Variants in NKAIN3 observed in about 807,000 individuals in gnomAD.
NKAIN3 encodes the protein sodium/potassium-transporting ATPase subunit beta-1-interacting protein 3.
A neutral mutation model predicts 30.2 loss-of-function variants in NKAIN3; 25 were observed. The observed-to-expected ratio is 0.83, with a 90% CI of 0.60 to 1.16. NKAIN3 has a LOEUF of 1.16. Ranked by LOEUF, NKAIN3 falls within the 50% of genes most tolerant of loss-of-function variation. The probability of loss-of-function intolerance (pLI) is 0.00; values close to 1 mark genes in which losing one functional copy is unlikely to be tolerated. For missense variants in NKAIN3, 225 were observed against 254.1 expected, an observed-to-expected ratio of 0.89 and a Z score of 0.78; for synonymous variants, 91 against 89.6, an observed-to-expected ratio of 1.02 and a Z score of -0.09.
chr8:62,278,882 G>C (rs889233260), intron 1 of NKAIN3, among the ~76,000 whole-genome samples: 2 of 152,096 alleles, frequency 1.3e-5, no homozygotes, highest in African/African-American at 4.8e-5. Context: ...ATAATCCTTT[G>C]GGTATATGCC....
At chr8:62,860,312 A>G (rs1191020306) in intron 4 of NKAIN3, among the ~76,000 whole-genome samples, 2 of 152,218 alleles carry the variant, frequency 1.3e-5, no homozygotes, top group African/African-American at 4.8e-5. Flanking sequence ...TCATTTTCCT[A>G]CTTGTGACAC....
intron 4 of NKAIN3, among the ~76,000 whole-genome samples, chr8:62,772,350 T>G (rs1227424228): frequency 1.3e-5 from 2 of 152,218 alleles, no homozygotes; most frequent in African/African-American, 2.4e-5. Flanking sequence ...GCTGTTGTGA[T>G]TAGAGCTACA....
chr8:62,480,532 TAA>T (rs59515372), intron 1 of NKAIN3, among the ~76,000 whole-genome samples: 90,774 of 137,200 alleles, frequency 0.66, 30,343 homozygotes, highest in Non-Finnish European at 0.74. Context: ...ATGTTTGGAT[TAA>T]AAAAAAAAAA....
At position 62,321,695 on chromosome 8, in the gene NKAIN3, G is replaced by C. The variant is rs535652404; in HGVS notation, c.54+72568G>C. ...GCCTGATTGTTCCTCTGTAAGTTTT[G>C]TCTCAGAGGAGTACCTGGCTGTGTG... On this transcript the variant is annotated intron_variant, in intron 1 of 6. Coordinates refer to ENST00000623646, the MANE Select transcript of NKAIN3 (RefSeq NM_001304533.3). Among the ~76,000 whole-genome samples, 15 of 146,418 alleles carry C rather than the reference G, an allele frequency of 1.0e-4. No individual in the cohort carries two copies. The South Asian group carries it at 3.1e-3, about 30-fold the overall frequency.
chr8:62,455,549 C>T (rs962684126), intron 1 of NKAIN3, among the ~76,000 whole-genome samples: 1 of 152,132 alleles, frequency 6.6e-6, no homozygotes, highest in Non-Finnish European at 1.5e-5. Flanking sequence ...AGGGCATGGG[C>T]TGAAATGCTA....
At chr8:62,341,950 A>C (rs1169568908) in intron 1 of NKAIN3, among the ~76,000 whole-genome samples, 1 of 151,996 alleles carries the variant, frequency 6.6e-6, no homozygotes, top group African/African-American at 2.4e-5. Context: ...ATTGCAAGCC[A>C]CCCCACAAAT....
intron 1 of NKAIN3, among the ~76,000 whole-genome samples, chr8:62,468,927 A>G (rs369553150): frequency 1.3e-5 from 2 of 152,158 alleles, no homozygotes; most frequent in East Asian, 3.9e-4. Flanking sequence ...CACCTAGTAG[A>G]CATCTACTAG....
At chr8:62,657,007 C>T (rs144736378) in intron 3 of NKAIN3, among the ~76,000 whole-genome samples, 58 of 152,234 alleles carry the variant, frequency 3.8e-4, no homozygotes, top group Non-Finnish European at 5.9e-5. Context: ...ACATTAGAAA[C>T]GTCAATTTCC....
intron 3 of NKAIN3, among the ~76,000 whole-genome samples, chr8:62,704,286 G>T (rs1429075594): frequency 6.6e-6 from 1 of 151,944 alleles, no homozygotes; most frequent in East Asian, 1.9e-4. Context: ...ATACCTAAAA[G>T]ATCATTTTTT....
rs112945133 is a variant in NKAIN3, at chr8:62,728,788, C to A, written c.274-18144C>A. ...GTCGGATCACGAGGTCAGGAGATAG[C>A]GACCAGCCTGGCTAACACGGCAAAA... On this transcript the variant is annotated intron_variant, in intron 3 of 6. Coordinates refer to ENST00000623646, the MANE Select transcript of NKAIN3 (RefSeq NM_001304533.3). 3.7e-4 allele frequency among the ~76,000 whole-genome samples: 56 copies of A among 151,758 alleles called. 1 individual carries two copies. In the East Asian group the frequency reaches 7.2e-3, roughly 19 times the overall value.
chr8:62,733,195 T>C (rs1815536423), intron 3 of NKAIN3, among the ~76,000 whole-genome samples: 1 of 152,174 alleles, frequency 6.6e-6, no homozygotes, highest in South Asian at 2.1e-4. Context: ...CTCACCTTCC[T>C]TCCATCTTGC....
intron 4 of NKAIN3, among the ~76,000 whole-genome samples, chr8:62,808,769 G>A (rs1450036994): frequency 6.6e-6 from 1 of 152,040 alleles, no homozygotes; most frequent in East Asian, 1.9e-4. Context: ...ACAAGACCAG[G>A]GTGAAATTAA....
chr8:62,901,665 G>A (rs548112436), intron 4 of NKAIN3, among the ~76,000 whole-genome samples: 1 of 152,272 alleles, frequency 6.6e-6, no homozygotes, highest in South Asian at 2.1e-4. Context: ...CGTACGTCCC[G>A]CAAGTTAGGA....
Position 62,293,081 on chromosome 8 carries a change from C to A in NKAIN3, c.54+43954C>A, listed in dbSNP as rs377526517. Among the ~76,000 whole-genome samples, 336 of 152,286 alleles carry A rather than the reference C, an allele frequency of 2.2e-3. 1 individual carries two copies. Among genetic ancestry groups the A allele is most frequent in the East Asian group, 5.8e-3 (30 of 5,182 alleles). On this transcript the variant is annotated intron_variant, in intron 1 of 6. Transcript: ENST00000623646. ...CTGATGCCATGGTTTTCAGCTCCAT[C>A]AGGTCATTTAAGGACTTCTCTACAC...
intron 1 of NKAIN3, among the ~76,000 whole-genome samples, chr8:62,551,301 A>T (rs897660268): frequency 1.3e-5 from 2 of 152,100 alleles, no homozygotes; most frequent in African/African-American, 4.8e-5. Context: ...CTTAGGATCT[A>T]CTTCTGTAAT....
intron 3 of NKAIN3, among the ~76,000 whole-genome samples, chr8:62,636,919 T>A (rs1471928447): frequency 1.3e-5 from 2 of 152,198 alleles, no homozygotes; most frequent in African/African-American, 4.8e-5. Context: ...ACTCTCTCAC[T>A]TATAATTGCT....
intron 3 of NKAIN3, among the ~76,000 whole-genome samples, chr8:62,682,539 C>T (rs1332666790): frequency 1.3e-5 from 2 of 152,114 alleles, no homozygotes; most frequent in African/African-American, 2.4e-5. Context: ...GGCATGAAAC[C>T]TGAAAGCTCT....
At chr8:62,838,650 G>A (rs1819441466) in intron 4 of NKAIN3, among the ~76,000 whole-genome samples, 1 of 152,006 alleles carries the variant, frequency 6.6e-6, no homozygotes, top group Non-Finnish European at 1.5e-5. Context: ...ATATACGGAA[G>A]CCTTTTGTAT....
intron 4 of NKAIN3, among the ~76,000 whole-genome samples, chr8:62,913,114 C>T (rs1821972218): frequency 6.6e-6 from 1 of 151,054 alleles, no homozygotes; most frequent in Non-Finnish European, 1.5e-5. Context: ...TCTGAAACAC[C>T]TTCTGAAGGA....
Sources: gnomAD v4.1 joint callset for allele counts (sites outside exome capture counted in the v4.1 genomes callset) on GRCh38, gnomAD v4.1.1 for gene constraint, MANE v1.5 for transcripts, NCBI Gene and HGNC (gene_info 2026-07-23, HGNC 2026-07-21) for gene names.